Variants in GRIK1 observed in about 807,000 individuals in gnomAD.
The protein encoded by GRIK1 is glutamate ionotropic receptor kainate type subunit 1.
GRIK1 carries 69 observed loss-of-function variants against 105.7 expected under a neutral mutation model. That is an observed-to-expected ratio of 0.65 (90% CI 0.54 to 0.80). The LOEUF (loss-of-function observed/expected upper bound fraction) is 0.80. Ranked by LOEUF, GRIK1 falls within the 30% of genes least tolerant of loss-of-function variation. The pLI is 0.00. For synonymous variants in GRIK1, 438 were observed against 431.3 expected, an observed-to-expected ratio of 1.02 and a Z score of -0.19; for missense variants, 1,109 against 1,167.3, an observed-to-expected ratio of 0.95 and a Z score of 0.73.
chr21:29,862,065 A>C (rs1043856575), intron 1 of GRIK1, among the ~76,000 whole-genome samples: 3 of 152,046 alleles, frequency 2.0e-5, no homozygotes, highest in African/African-American at 4.8e-5. Context: ...TGGCTCACTG[A>C]AACCTTGATC....
intron 1 of GRIK1, among the ~76,000 whole-genome samples, chr21:29,695,480 A>ATCTATCTATC (rs1568985493): frequency 5.0e-5 from 7 of 139,696 alleles, no homozygotes; most frequent in African/African-American, 1.4e-4. Flanking sequence ...ATCTATCTAT[A>ATCTATCTATC]TATATATATT....
At chr21:29,718,767 T>C (rs1404797572) in intron 1 of GRIK1, among the ~76,000 whole-genome samples, 3 of 152,148 alleles carry the variant, frequency 2.0e-5, no homozygotes, top group East Asian at 1.9e-4. Context: ...AGAGTTTGCT[T>C]TGAGAAAAGA....
chr21:29,555,206 C>G lies in GRIK1; in HGVS notation c.2453G>C (p.Gly818Ala). ...MMKEKWWRGN[G>A]CPEEDNKEAS... ...TTCTTTGTTGTCTTCCTCGGGGCAG[C>G]CATTCCCACGCCACCACTTCTCTTT... Residue 818 changes from glycine to alanine, a missense_variant, in exon 16 of 18, where the codon GGC becomes GCC. By Grantham distance (60) the Gly-to-Ala change is moderately conservative. This residue lies in a region of GRIK1 where 18 missense variants were observed against 42.8 expected (regional missense o/e 0.42). Coordinates refer to ENST00000327783, the MANE Select transcript of GRIK1 (RefSeq NM_001330994.2). The G allele has an allele frequency of 6.2e-7, 1 of 1,613,928 alleles. No individual in the cohort carries two copies. Among genetic ancestry groups the G allele is most frequent in the Non-Finnish European group, 8.5e-7 (1 of 1,179,876 alleles).
Position 29,883,915 on chromosome 21 carries a change from G to A in GRIK1, c.118+55468C>T, listed in dbSNP as rs149560423. On this transcript the variant is annotated intron_variant, in intron 1 of 17. Coordinates refer to ENST00000327783, the MANE Select transcript of GRIK1 (RefSeq NM_001330994.2). ...AGAGAAAACCAATCAAAGAAAACCC[G>A]ACAGGCTTCAACAGGTTTCCTTCAG... Among the ~76,000 whole-genome samples the A allele has an allele frequency of 2.7e-4, 41 of 152,004 alleles. No individual in the cohort carries two copies. The East Asian group carries it at 6.8e-3, about 25-fold the overall frequency.
intron 7 of GRIK1, among the ~76,000 whole-genome samples, chr21:29,635,248 C>T (rs2062372155): frequency 6.6e-6 from 1 of 152,052 alleles, no homozygotes; most frequent in South Asian, 2.1e-4. Flanking sequence ...AGACAGACAC[C>T]CTCAGTGTTC....
At chr21:29,596,347 A>T in intron 9 of GRIK1, 179 bp downstream of exon 9, 1 of 724,496 alleles carries the variant, frequency 1.4e-6, no homozygotes. Context: ...TTCAATTCAC[A>T]GGTGATGTTG....
Position 29,689,894 on chromosome 21 carries a change from G to A in GRIK1, c.378C>T (p.Leu126=), listed in dbSNP as rs778306255. 1 of 1,613,704 alleles carries A rather than the reference G, an allele frequency of 6.2e-7. No homozygotes were observed. The highest frequency in any genetic ancestry group is 8.5e-7 in the Non-Finnish European group (1 of 1,179,786). Residue 126 remains leucine, a synonymous_variant, in exon 3 of 18, where the codon CTC becomes CTT. Coordinates refer to ENST00000327783, the MANE Select transcript of GRIK1 (RefSeq NM_001330994.2). ...VSAVQSICNA[L]EVPHIQTRWK... is the part of the protein sequence containing the mutation. ...AGCGGGTCTGTATGTGTGGAACTTC[G>A]AGAGCATTGCAAATAGACTGCACAG... is the stretch of plus-strand genomic sequence containing the variant.
chr21:29,593,911 C>T (rs1399635198), intron 9 of GRIK1, among the ~76,000 whole-genome samples: 1 of 152,188 alleles, frequency 6.6e-6, no homozygotes, highest in Admixed American at 6.5e-5. Flanking sequence ...ACTAAAAGTG[C>T]AGAAGCTAAG....
At chr21:29,898,135 A>T (rs1601976606) in intron 1 of GRIK1, among the ~76,000 whole-genome samples, 1 of 152,328 alleles carries the variant, frequency 6.6e-6, no homozygotes, top group East Asian at 1.9e-4. Flanking sequence ...GAATCCTGGT[A>T]TTAATAGAAT....
At position 29,644,945 on chromosome 21, in the gene GRIK1, C is replaced by A. The variant is rs117561865; in HGVS notation, c.955-1976G>T. On this transcript the variant is annotated intron_variant, in intron 6 of 17. Transcript: ENST00000327783. The stretch of plus-strand genomic sequence containing the variant: ...AAGAAAAAAGATGTTAAATGGGATC[C>A]CCAAACTCATGGGGGGACAGGCAAT... Among the ~76,000 whole-genome samples, 137 of 152,256 alleles carry A rather than the reference C, an allele frequency of 9.0e-4. 2 individuals carry two copies. In the East Asian group the frequency reaches 0.023, roughly 25 times the overall value.
chr21:29,894,906 A>G (rs1048430054), intron 1 of GRIK1, among the ~76,000 whole-genome samples: 7 of 152,186 alleles, frequency 4.6e-5, no homozygotes, highest in African/African-American at 1.7e-4. Context: ...GAAGGCAGTC[A>G]TCTGGCTTTC....
chr21:29,805,847 G>A (rs1177937896), intron 1 of GRIK1, among the ~76,000 whole-genome samples: 3 of 152,130 alleles, frequency 2.0e-5, no homozygotes, highest in African/African-American at 7.2e-5. Flanking sequence ...ACTGATATAG[G>A]TAGTCACTGA....
At chr21:29,778,979 G>A (rs1464484158) in intron 1 of GRIK1, among the ~76,000 whole-genome samples, 4 of 152,190 alleles carry the variant, frequency 2.6e-5, no homozygotes, top group Non-Finnish European at 4.4e-5. Flanking sequence ...CCTCTTCCTT[G>A]AAATCTTCTA....
intron 1 of GRIK1, among the ~76,000 whole-genome samples, chr21:29,729,511 C>G (rs1438709460): frequency 2.0e-5 from 3 of 152,188 alleles, no homozygotes; most frequent in Non-Finnish European, 4.4e-5. Context: ...ACAGGCACCT[C>G]TTCAGATGAT....
intron 1 of GRIK1, among the ~76,000 whole-genome samples, chr21:29,933,601 C>T (rs1428159134): frequency 6.6e-6 from 1 of 152,120 alleles, no homozygotes; most frequent in Non-Finnish European, 1.5e-5. Flanking sequence ...AAAACTCTCA[C>T]CCTGTTCATT....
intron 1 of GRIK1, among the ~76,000 whole-genome samples, chr21:29,915,359 C>T (rs1290819145): frequency 1.3e-5 from 2 of 152,028 alleles, no homozygotes; most frequent in Non-Finnish European, 2.9e-5. Context: ...CGTACACCAA[C>T]TATCTAGCGG....
chr21:29,782,702 T>C (rs888199261), intron 1 of GRIK1, among the ~76,000 whole-genome samples: 4 of 152,250 alleles, frequency 2.6e-5, no homozygotes, highest in African/African-American at 9.6e-5. Flanking sequence ...CTACTCAGAT[T>C]TGAAACTAGT....
At chr21:29,857,326 T>C (rs1013045740) in intron 1 of GRIK1, among the ~76,000 whole-genome samples, 4 of 152,204 alleles carry the variant, frequency 2.6e-5, no homozygotes, top group Non-Finnish European at 5.9e-5. Flanking sequence ...TTGTGTTCTT[T>C]CCCATGATTT....
chr21:29,815,947 A>G (rs997698340), intron 1 of GRIK1, among the ~76,000 whole-genome samples: 1 of 152,132 alleles, frequency 6.6e-6, no homozygotes. Flanking sequence ...AAAGTAGACA[A>G]ATGAGACCAT....
Sources: allele counts gnomAD v4.1 joint callset (sites outside exome capture counted in the v4.1 genomes callset), GRCh38; gene constraint gnomAD v4.1.1; regional missense constraint gnomAD v4.1.1; transcripts MANE v1.5; gene names NCBI Gene and HGNC (gene_info 2026-07-23, HGNC 2026-07-21).